COL6A6: variants seen among roughly 807,000 people sequenced by gnomAD.
COL6A6 encodes collagen alpha-6(VI) chain.
COL6A6 carries 183 observed loss-of-function variants against 208.6 expected under a neutral mutation model. That is an observed-to-expected ratio of 0.88 (90% CI 0.78 to 0.99). COL6A6 has a LOEUF of 0.99. COL6A6 is among the 50% of genes least tolerant of loss of function. The pLI is 0.00. For synonymous variants in COL6A6, 973 were observed against 1,011.8 expected (o/e 0.96, Z 0.73); for missense variants, 2,816 against 2,815.2 (o/e 1.00, Z -0.01).
intron 23 of COL6A6, among the ~76,000 whole-genome samples, chr3:130,618,563 A>T (rs1293369486): frequency 2.0e-5 from 3 of 152,050 alleles, no homozygotes; most frequent in Non-Finnish European, 4.4e-5. Flanking sequence ...GAGGGTGACA[A>T]TTTTTTTGTC....
chr3:130,638,279 A>G (rs1420748300), intron 28 of COL6A6, among the ~76,000 whole-genome samples: 2 of 152,130 alleles, frequency 1.3e-5, no homozygotes, highest in African/African-American at 2.4e-5. Context: ...TTTTTGATTT[A>G]TAAATTTTAA....
intron 6 of COL6A6, among the ~76,000 whole-genome samples, 193 bp from the exon 7 acceptor site, chr3:130,570,625 C>A (rs1200151574): frequency 6.6e-6 from 1 of 152,126 alleles, no homozygotes; most frequent in Non-Finnish European, 1.5e-5. Context: ...TACAAGCTCA[C>A]CTAAGTGAGT....
At chr3:130,548,520 A>C (rs1436322083) in intron 1 of COL6A6, among the ~76,000 whole-genome samples, 1 of 152,224 alleles carries the variant, frequency 6.6e-6, no homozygotes, top group Non-Finnish European at 1.5e-5. Context: ...ATAAAACCCC[A>C]GCTGGTTAGG....
intron 11 of COL6A6, among the ~76,000 whole-genome samples, chr3:130,587,055 G>C (rs188894450): frequency 2.0e-5 from 3 of 152,134 alleles, no homozygotes; most frequent in African/African-American, 7.2e-5. Context: ...ACAGCTTTCC[G>C]TACTGAGTGT....
At chr3:130,623,899 T>A (rs2064809988) in intron 24 of COL6A6, among the ~76,000 whole-genome samples, 2 of 151,006 alleles carry the variant, frequency 1.3e-5, no homozygotes, top group African/African-American at 4.9e-5. Context: ...TTGAGTAGAG[T>A]TCAAGAAGGG....
chr3:130,675,087 G>A (rs1417216462), intron 36 of COL6A6, 115 bp from the exon 37 acceptor site: 2 of 667,280 alleles, frequency 3.0e-6, no homozygotes, highest in East Asian at 5.8e-5. Flanking sequence ...TACCCTGGAG[G>A]AAGGCTGCAA....
chr3:130,580,124 C>T (rs749191050), intron 8 of COL6A6, among the ~76,000 whole-genome samples: 1 of 152,122 alleles, frequency 6.6e-6, no homozygotes, highest in East Asian at 1.9e-4. Flanking sequence ...TCCTTAAAGA[C>T]ATTATCATAT....
chr3:130,588,957 T>A, intron 11 of COL6A6, 133 bp from the exon 12 acceptor site: 3 of 443,560 alleles, frequency 6.8e-6, no homozygotes, highest in Non-Finnish European at 1.2e-5. Flanking sequence ...GCATTCTTTC[T>A]AAAGCACAGT....
intron 1 of COL6A6, among the ~76,000 whole-genome samples, chr3:130,530,801 G>C (rs946165776): frequency 9.2e-5 from 14 of 152,146 alleles, no homozygotes; most frequent in African/African-American, 3.4e-4. Flanking sequence ...AATGCATGTG[G>C]GCCTCATTCA....
chr3:130,522,087 G>T (rs1711105988), intron 1 of COL6A6, among the ~76,000 whole-genome samples: 1 of 152,190 alleles, frequency 6.6e-6, no homozygotes. Context: ...AAGTTATACT[G>T]CAGTAAACTA....
chr3:130,615,698 A>C (rs1430852258), intron 23 of COL6A6, among the ~76,000 whole-genome samples: 1 of 152,216 alleles, frequency 6.6e-6, no homozygotes, highest in East Asian at 1.9e-4. Flanking sequence ...CTGGTACCAT[A>C]AATTGAAATT....
intron 28 of COL6A6, among the ~76,000 whole-genome samples, chr3:130,637,093 CCCCTCTCT>C (rs140691891): frequency 0.013 from 5 of 394 alleles, 1 homozygote; most frequent in Admixed American, 0.068. Context: ...TCTCTCCCTC[CCCCTCTCT>C]CCCTCCCCCT....
Position 130,675,474 on chromosome 3 carries a change from A to C in COL6A6, c.*77A>C, listed in dbSNP as rs2066337072. 1.9e-6 allele frequency: 2 copies of C among 1,065,012 alleles called. No homozygotes were observed. The highest frequency in any genetic ancestry group is 2.7e-6 in the Non-Finnish European group (2 of 751,022). 66.0% of individuals were successfully genotyped at this position (1,065,012 alleles called of 1,614,324 possible). A position where few individuals can be genotyped will look rare whatever the true frequency, so the allele number is the denominator to read the frequency against. On this transcript the variant is annotated 3_prime_UTR_variant, in exon 37 of 37. Coordinates refer to ENST00000358511, the MANE Select transcript of COL6A6 (RefSeq NM_001102608.3). ...AAATAGTAACTAAATCTGCTGCCAG[A>C]ACTCAAGCAACAGTTTGTAGGTTAT...
At chr3:130,637,769 ATT>A (rs2065200784) in intron 28 of COL6A6, among the ~76,000 whole-genome samples, 1 of 151,850 alleles carries the variant, frequency 6.6e-6, no homozygotes, top group Non-Finnish European at 1.5e-5. Flanking sequence ...TTTTGCTATG[ATT>A]TTTAACCTGT....
intron 20 of COL6A6, among the ~76,000 whole-genome samples, chr3:130,600,779 G>A (rs1424552450): frequency 6.6e-6 from 1 of 152,000 alleles, no homozygotes; most frequent in Non-Finnish European, 1.5e-5. Context: ...ATAAAACCTA[G>A]ATGAACAGTT....
chr3:130,624,034 G>A (rs1278728303), intron 24 of COL6A6, among the ~76,000 whole-genome samples: 1 of 152,002 alleles, frequency 6.6e-6, no homozygotes, highest in African/African-American at 2.4e-5. Context: ...GGAGAGAAAG[G>A]GAGACAGGAC....
chr3:130,528,158 G>A (rs532391967), intron 1 of COL6A6, among the ~76,000 whole-genome samples: 2 of 152,126 alleles, frequency 1.3e-5, no homozygotes, highest in African/African-American at 4.8e-5. Flanking sequence ...AGGACAGAAG[G>A]AAAGGACCTC....
chr3:130,600,369 A>T (rs1239518721), intron 20 of COL6A6, among the ~76,000 whole-genome samples: 1 of 152,236 alleles, frequency 6.6e-6, no homozygotes, highest in Non-Finnish European at 1.5e-5. Context: ...TACTGGGCAT[A>T]TACCAAAAGG....
chr3:130,526,670 A>G (rs1349892538), intron 1 of COL6A6, among the ~76,000 whole-genome samples: 4 of 152,276 alleles, frequency 2.6e-5, no homozygotes, highest in African/African-American at 7.2e-5. Context: ...TTGAAGTACT[A>G]TTGACAAGAC....
Sources: gnomAD v4.1 joint callset for allele counts (sites outside exome capture counted in the v4.1 genomes callset) on GRCh38, gnomAD v4.1.1 for gene constraint, MANE v1.5 for transcripts, NCBI Gene and HGNC (gene_info 2026-07-23, HGNC 2026-07-21) for gene names.